Variants in LONP2 observed in about 807,000 individuals in gnomAD.
LONP2 encodes the protein lon protease homolog 2, peroxisomal.
A neutral mutation model predicts 85.6 loss-of-function variants in LONP2; 60 were observed. The observed-to-expected ratio is 0.70, with a 90% CI of 0.57 to 0.87. The LOEUF (loss-of-function observed/expected upper bound fraction) is 0.87. Ranked by LOEUF, LONP2 falls within the 40% of genes least tolerant of loss-of-function variation. The pLI, the probability that LONP2 is intolerant of heterozygous loss-of-function variation, is 0.00. For synonymous variants in LONP2, 395 were observed against 389.7 expected, an observed-to-expected ratio of 1.01 and a Z score of -0.16; for missense variants, 860 against 1,063.5, an observed-to-expected ratio of 0.81 and a Z score of 2.66.
rs369748224 is a variant in LONP2 at position 48,275,184 on chromosome 16, T to C, written c.1242-2154T>C. Among the ~76,000 whole-genome samples, 19 of 152,052 alleles carry C rather than the reference T, an allele frequency of 1.2e-4. No homozygotes were observed. The East Asian group carries it at 2.3e-3, about 19-fold the overall frequency. On this transcript the variant is annotated intron_variant, in intron 7 of 14. Transcript: ENST00000285737. ...GGGACCGTGCTGTGTGCTTTGCCTG[T>C]GTTCTCTCATGATCCTTATATTAAT...
intron 2 of LONP2, among the ~76,000 whole-genome samples, chr16:48,254,432 C>T (rs572490461): frequency 1.5e-3 from 220 of 147,162 alleles, no homozygotes; most frequent in African/African-American, 5.1e-3. Context: ...GGTGCAATTT[C>T]GGCTCACTGC....
intron 11 of LONP2, among the ~76,000 whole-genome samples, chr16:48,333,601 A>G (rs531917848): frequency 7.3e-5 from 11 of 151,712 alleles, no homozygotes; most frequent in African/African-American, 2.4e-4. Flanking sequence ...CCAGGAGGTC[A>G]AGGCAGCAGT....
chr16:48,276,996 G>T (rs891523880), intron 7 of LONP2, among the ~76,000 whole-genome samples: 1 of 152,096 alleles, frequency 6.6e-6, no homozygotes, highest in Non-Finnish European at 1.5e-5. Context: ...TGGAAAGCAT[G>T]GGAATTCATA....
intron 11 of LONP2, among the ~76,000 whole-genome samples, chr16:48,307,406 T>C (rs1231479150): frequency 6.6e-6 from 1 of 152,216 alleles, no homozygotes; most frequent in Non-Finnish European, 1.5e-5. Flanking sequence ...ATGTCCCATG[T>C]ATTTAATTTT....
intron 12 of LONP2, among the ~76,000 whole-genome samples, chr16:48,341,332 G>C (rs7196151): frequency 1 from 152,275 of 152,284 alleles, 76,133 homozygotes; most frequent in Non-Finnish European, 1. Flanking sequence ...AAATAAATAG[G>C]TCCAGCATCA....
intron 8 of LONP2, among the ~76,000 whole-genome samples, chr16:48,294,362 T>A (rs1378193123): frequency 6.6e-6 from 1 of 152,224 alleles, no homozygotes; most frequent in Non-Finnish European, 1.5e-5. Context: ...TTAAACATTA[T>A]TAAGTCTTGT....
rs1165055524 is a variant in LONP2, at chr16:48,351,929, A to G, written c.*127A>G. Reference sequence around the variant, plus strand: ...TTTTATAAACATAATCACAACAGTAATAAACCTCAAGTAGTGGCTAGTGTT... The same window carrying G: ...TTTTATAAACATAATCACAACAGTAGTAAACCTCAAGTAGTGGCTAGTGTT... On this transcript the variant is annotated 3_prime_UTR_variant, in exon 15 of 15. Transcript: ENST00000285737. The G allele has an allele frequency of 2.9e-6, 2 of 684,084 alleles. No homozygotes were observed. The highest frequency in any genetic ancestry group is 3.6e-5 in the African/African-American group (2 of 55,360). The allele number at this position is 684,084 out of a possible 1,614,324, so 42.4% of individuals were successfully genotyped here. A position where few individuals can be genotyped will look rare whatever the true frequency, so the allele number is the denominator to read the frequency against.
intron 9 of LONP2, among the ~76,000 whole-genome samples, chr16:48,296,427 T>C (rs959140267): frequency 1.3e-5 from 2 of 152,180 alleles, no homozygotes; most frequent in South Asian, 2.1e-4. Context: ...TCTTCTTTAG[T>C]ATAATTTCTA....
At chr16:48,270,997 A>T (rs1281338323) in intron 7 of LONP2, among the ~76,000 whole-genome samples, 1 of 152,034 alleles carries the variant, frequency 6.6e-6, no homozygotes, top group Non-Finnish European at 1.5e-5. Context: ...TTTAATTTTA[A>T]ATTTTAATTT....
intron 11 of LONP2, among the ~76,000 whole-genome samples, chr16:48,326,322 C>G (rs1163063520): frequency 6.6e-6 from 1 of 152,172 alleles, no homozygotes; most frequent in African/African-American, 2.4e-5. Flanking sequence ...ATGTCCCATC[C>G]TTCCCTCCTC....
chr16:48,304,778 A>G (rs1470734113), intron 11 of LONP2, among the ~76,000 whole-genome samples: 1 of 152,232 alleles, frequency 6.6e-6, no homozygotes, highest in Admixed American at 6.5e-5. Flanking sequence ...TCAGTTCATC[A>G]TATCATGCTG....
In LONP2 at chr16:48,252,360, G is replaced by T. The variant is rs750508815; in HGVS notation, c.463G>T (p.Val155Leu). The part of the protein sequence containing the change: ...ELSEQFYKYA[V>L]QLVEMLDMSV... The stretch of plus-strand genomic sequence containing the variant: ...ATCAGAGCAGTTTTACAAATATGCA[G>T]TACAAGTAAGTTGCTTTTATTTTTT... Residue 155 changes from valine (V) to leucine (L), a missense_variant, in exon 2 of 15, where the codon GTA becomes TTA. Transcript: ENST00000285737. The T allele has an allele frequency of 6.4e-7, 1 of 1,557,268 alleles. No individual in the cohort carries two copies. The highest frequency in any genetic ancestry group is 2.0e-5 in the Admixed American group (1 of 49,594).
At chr16:48,351,207 C>T (rs920354400) in intron 14 of LONP2, among the ~76,000 whole-genome samples, 2 of 152,302 alleles carry the variant, frequency 1.3e-5, no homozygotes, top group Middle Eastern at 3.4e-3. Context: ...TCTGCAGGAG[C>T]GGCGCTCATG....
Position 48,244,442 on chromosome 16 carries a change from C to A in LONP2, c.54C>A (p.Thr18=). Residue 18 remains threonine, a synonymous_variant, in exon 1 of 15, where the codon ACC becomes ACA. Transcript: ENST00000285737. The part of the protein sequence containing the change: ...QIPSRLPLLL[T]HEGVLLPGST... ...CCAGTCGCCTCCCGCTGCTGCTCAC[C>A]CACGAGGGCGTCCTGCTGCCCGGCT... The A allele has an allele frequency of 6.3e-7, 1 of 1,595,068 alleles. No homozygotes were observed. Among genetic ancestry groups the A allele is most frequent in the Non-Finnish European group, 8.5e-7 (1 of 1,175,256 alleles).
intron 6 of LONP2, among the ~76,000 whole-genome samples, chr16:48,263,505 G>A (rs769580154): frequency 1.3e-5 from 2 of 152,164 alleles, no homozygotes; most frequent in African/African-American, 4.8e-5. Flanking sequence ...TAACCTAGAG[G>A]TCCATCCATG....
intron 11 of LONP2, among the ~76,000 whole-genome samples, chr16:48,327,618 C>T (rs1040471781): frequency 8.6e-5 from 13 of 151,940 alleles, no homozygotes; most frequent in South Asian, 4.2e-4. Flanking sequence ...CCACCAGGTC[C>T]GGCTAATTTT....
Position 48,258,036 on chromosome 16 carries a change from G to A in LONP2, c.601-582G>A, listed in dbSNP as rs28361908. Among the ~76,000 whole-genome samples, 664 of 152,286 alleles carry A rather than the reference G, an allele frequency of 4.4e-3. 4 individuals are homozygous for A. The highest frequency in any genetic ancestry group is 0.015 in the African/African-American group (629 of 41,548). On this transcript the variant is annotated intron_variant, in intron 3 of 14. Coordinates refer to ENST00000285737, the MANE Select transcript of LONP2 (RefSeq NM_031490.5). Reference sequence around the variant, plus strand: ...AAGAGTTGACGTCAACTGTGTGTCTGGTTTTTTCATCTTAAAAACACACAG... The same window carrying A: ...AAGAGTTGACGTCAACTGTGTGTCTAGTTTTTTCATCTTAAAAACACACAG...
chr16:48,268,171 G>C (rs998849271), intron 6 of LONP2, among the ~76,000 whole-genome samples: 5 of 152,108 alleles, frequency 3.3e-5, no homozygotes, highest in African/African-American at 1.2e-4. Flanking sequence ...AATCATTAAA[G>C]AGAATAATTA....
intron 14 of LONP2, among the ~76,000 whole-genome samples, chr16:48,350,307 G>C (rs185506013): frequency 3.2e-4 from 46 of 144,172 alleles, no homozygotes; most frequent in East Asian, 3.1e-3. Flanking sequence ...AGAATCGCTT[G>C]AACCTGGGAG....
Sources: gnomAD v4.1 joint callset for allele counts (sites outside exome capture counted in the v4.1 genomes callset) on GRCh38, gnomAD v4.1.1 for gene constraint, MANE v1.5 for transcripts, NCBI Gene and HGNC (gene_info 2026-07-23, HGNC 2026-07-21) for gene names.